SLC39A4: variants seen among roughly 807,000 people sequenced by gnomAD.
SLC39A4 encodes solute carrier family 39 member 4, also known as zinc transporter ZIP4.
A neutral mutation model predicts 56.6 loss-of-function variants in SLC39A4; 49 were observed. The ratio of observed to expected loss-of-function variants is 0.87; its 90% confidence interval spans 0.69 to 1.10. SLC39A4 has a LOEUF of 1.10. SLC39A4 is among the 50% of genes least tolerant of loss of function. The pLI is 0.00. For missense variants in SLC39A4, 993 were observed against 864.2 expected, an observed-to-expected ratio of 1.15 and a Z score of -1.87; for synonymous variants, 540 against 420.4, an observed-to-expected ratio of 1.28 and a Z score of -3.48.
chr8:144,414,520 G>T, intron 5 of SLC39A4, 86 bp from the exon 6 acceptor site: 1 of 1,538,238 alleles, frequency 6.5e-7, no homozygotes. Flanking sequence ...GCTGCAGGCC[G>T]TCAGTGTGGG....
rs782469813 is a variant in SLC39A4, at chr8:144,414,242, G to A, written c.1149+20C>T. ...TGGTGGGGAACGGAGGGCCAGGGTC[G>A]CGGGTTTGTGGGGGCAGACCTTGGG... is the stretch of plus-strand genomic sequence containing the variant. On this transcript the variant is annotated intron_variant, in intron 6 of 11. Coordinates refer to ENST00000301305, the MANE Select transcript of SLC39A4 (RefSeq NM_130849.4). The A allele has an allele frequency of 3.1e-6, 5 of 1,604,978 alleles. No individual in the cohort carries two copies. Among genetic ancestry groups the A allele is most frequent in the African/African-American group, 1.3e-5 (1 of 74,824 alleles).
In SLC39A4 at chr8:144,416,767, TCCAGC is replaced by T. The variant is rs1457522002; in HGVS notation, c.18_22del (p.Leu7AlafsTer70). The T allele has an allele frequency of 4.3e-6, 7 of 1,612,506 alleles. No homozygotes were observed. The highest frequency in any genetic ancestry group is 5.9e-6 in the Non-Finnish European group (7 of 1,179,876). Reference sequence around the variant, plus strand: ...CAGCACAGCCAGAAGCAGCCCCAGCTCCAGCGAGACCAGGGACGCCATACTCAGCT... The same window carrying T: ...CAGCACAGCCAGAAGCAGCCCCAGCTGAGACCAGGGACGCCATACTCAGCT... On this transcript the variant is annotated frameshift_variant, in exon 1 of 12. Coordinates refer to ENST00000301305, the MANE Select transcript of SLC39A4 (RefSeq NM_130849.4). LOFTEE classifies it high-confidence loss of function.
Position 144,413,567 on chromosome 8 carries a change from C to G in SLC39A4, c.1420G>C (p.Val474Leu). ...PPHEGSRADLVAEESPELLNP... is the reference protein window; with the variant it reads ...PPHEGSRADLLAEESPELLNP... ...AGCAGCTCCGGGCTCTCCTCCGCCA[C>G]CTGGGAGGAGCCTTGAGTAAGTCCC... Residue 474 changes from valine to leucine, a missense_variant and splice_region_variant, in exon 9 of 12, where the codon GTG becomes CTG. Coordinates refer to ENST00000301305, the MANE Select transcript of SLC39A4 (RefSeq NM_130849.4). 6.4e-7 allele frequency: 1 copy of G among 1,552,504 alleles called. No individual in the cohort carries two copies. Among genetic ancestry groups the G allele is most frequent in the Non-Finnish European group, 8.7e-7 (1 of 1,148,080 alleles).
At position 144,412,450 on chromosome 8, in the gene SLC39A4, G is replaced by A. The variant is rs1243861026; in HGVS notation, c.*88C>T. The A allele has an allele frequency of 1.2e-6, 2 of 1,603,224 alleles. No homozygotes were observed. Among genetic ancestry groups the A allele is most frequent in the Non-Finnish European group, 1.7e-6 (2 of 1,171,628 alleles). Reference sequence around the variant, plus strand: ...GAGTGTCTTTACTGGAGTTGGGACTGGGGCCTCTATAGGGGCTTCTGGTTT... The same window carrying A: ...GAGTGTCTTTACTGGAGTTGGGACTAGGGCCTCTATAGGGGCTTCTGGTTT... On this transcript the variant is annotated 3_prime_UTR_variant, in exon 12 of 12. Coordinates refer to ENST00000301305, the MANE Select transcript of SLC39A4 (RefSeq NM_130849.4).
In SLC39A4 at chr8:144,414,827, C is replaced by T. The variant is rs782734544; in HGVS notation, c.874G>A (p.Ala292Thr). Reference protein sequence around the residue: ...LSEQAGVTPEAWAQLSPALLQ... With the variant: ...LSEQAGVTPETWAQLSPALLQ... ...AGGGCAGGGCTCAGTTGGGCCCAGG[C>T]CTCCGGGGTCACCCCAGCCTGTTCC... Residue 292 changes from alanine to threonine, a missense_variant, in exon 5 of 12, where the codon GCC becomes ACC. Physicochemically the swap from Ala to Thr is moderately conservative, Grantham distance 58. Coordinates refer to ENST00000301305, the MANE Select transcript of SLC39A4 (RefSeq NM_130849.4). The T allele has an allele frequency of 1.2e-6, 2 of 1,613,182 alleles. No homozygotes were observed. The highest frequency in any genetic ancestry group is 1.7e-6 in the Non-Finnish European group (2 of 1,179,970).
chr8:144,415,368 G>C lies in SLC39A4; in HGVS notation c.526C>G (p.Pro176Ala), dbSNP rs138748417. The change falls in exon 3 of 12, where the codon CCG becomes GCG. Residue 176 changes from proline (P) to alanine (A), a missense_variant. Physicochemically the swap from Pro to Ala is conservative, Grantham distance 27 (BLOSUM62 -1). Transcript: ENST00000301305. ...LLEEAVGAGA[P>A]GSAGGVLAAL... ...GCCAGGACGCCGCCAGCACTGCCCGGAGCCCCCGCCCCCACCGCCTCCTCC... is the reference window on the plus strand; with the variant it reads ...GCCAGGACGCCGCCAGCACTGCCCGCAGCCCCCGCCCCCACCGCCTCCTCC... 34 of 1,609,830 alleles carry C rather than the reference G, an allele frequency of 2.1e-5. No homozygotes were observed. The highest frequency in any genetic ancestry group is 5.3e-5 in the African/African-American group (4 of 74,856).
intron 8 of SLC39A4, 25 bp downstream of exon 8, chr8:144,413,725 G>T (rs1822010838): frequency 6.5e-7 from 1 of 1,534,988 alleles, no homozygotes. Flanking sequence ...CTCCGCGTGG[G>T]ATGGGGCATC....
chr8:144,413,775 G>C lies in SLC39A4; in HGVS notation c.1394C>G (p.Pro465Arg), dbSNP rs782469375. The C allele has an allele frequency of 6.5e-7, 1 of 1,544,726 alleles. No individual in the cohort carries two copies. Among genetic ancestry groups the C allele is most frequent in the Non-Finnish European group, 8.7e-7 (1 of 1,150,740 alleles). ...APSELRQPKP[P>R]HEGSRADLVA... ...CAGGTCTGCGCGGGAGCCCTCGTGG[G>C]GGGGCTTGGGCTGCCGGAGCTCGCT... Residue 465 changes from proline (P) to arginine (R), a missense_variant, in exon 8 of 12, where the codon CCC (proline) becomes CGC (arginine). Transcript: ENST00000301305.
At chr8:144,414,555 T>A in intron 5 of SLC39A4, 121 bp from the exon 6 acceptor site, 1 of 1,500,226 alleles carries the variant, frequency 6.7e-7, no homozygotes, top group Non-Finnish European at 9.0e-7. Flanking sequence ...AGGCTGACCC[T>A]CCTGCCTCAA....
In SLC39A4 at chr8:144,412,521, G is replaced by A. The variant is rs1821919218; in HGVS notation, c.*17C>T. On this transcript the variant is annotated 3_prime_UTR_variant, in exon 12 of 12. Coordinates refer to ENST00000301305, the MANE Select transcript of SLC39A4 (RefSeq NM_130849.4). Reference sequence around the variant, plus strand: ...GTGTGGGATCTTAAGTCAAAGGTGGGGGACTAGGGCAGGGTATCAGAAGGT... The same window carrying A: ...GTGTGGGATCTTAAGTCAAAGGTGGAGGACTAGGGCAGGGTATCAGAAGGT... 1.2e-6 allele frequency: 2 copies of A among 1,614,010 alleles called. No individual in the cohort carries two copies. Among genetic ancestry groups the A allele is most frequent in the Admixed American group, 1.7e-5 (1 of 60,000 alleles).
At chr8:144,416,554 G>A (rs782386266) in intron 1 of SLC39A4, 44 bp downstream of exon 1, 17 of 1,543,228 alleles carry the variant, frequency 1.1e-5, no homozygotes, top group East Asian at 7.3e-5. Flanking sequence ...CGGAGCTGGC[G>A]GGAAGAGGCC....
At chr8:144,413,610 GA>G in intron 8 of SLC39A4, 43 bp from the exon 9 acceptor site, 1 of 1,548,418 alleles carries the variant, frequency 6.5e-7, no homozygotes, top group Non-Finnish European at 8.7e-7. Context: ...AGTGGAGGAG[GA>G]ACGCGGTGGG....
intron 2 of SLC39A4, 113 bp downstream of exon 2, chr8:144,415,697 T>G: frequency 7.1e-7 from 1 of 1,412,712 alleles, no homozygotes; most frequent in South Asian, 1.5e-5. Flanking sequence ...GGCCGACTCC[T>G]GGGCGTCTCC....
Position 144,415,340 on chromosome 8 carries a change from G to A in SLC39A4, c.554C>T (p.Ala185Val), listed in dbSNP as rs782249020. Residue 185 changes from alanine to valine, a missense_variant, in exon 3 of 12, where the codon GCC (alanine) becomes GTC (valine). Ala to Val is a moderately conservative substitution (Grantham distance 64). Transcript: ENST00000301305. ...CCCGCTCCTGACATGGTCCAGCAGG[G>A]CAGCCAGGACGCCGCCAGCACTGCC... is the stretch of plus-strand genomic sequence containing the variant. Reference protein sequence around the residue: ...APGSAGGVLAALLDHVRSGSC... With the variant: ...APGSAGGVLAVLLDHVRSGSC... 1.2e-6 allele frequency: 2 copies of A among 1,612,084 alleles called. No homozygotes were observed. Among genetic ancestry groups the A allele is most frequent in the Non-Finnish European group, 1.7e-6 (2 of 1,179,586 alleles).
chr8:144,413,312 C>T lies in SLC39A4; in HGVS notation c.1552G>A (p.Ala518Thr), dbSNP rs1482676989. The change falls in exon 10 of 12, where the codon GCC (alanine) becomes ACC (threonine). Residue 518 changes from alanine (A) to threonine (T), a missense_variant. Coordinates refer to ENST00000301305, the MANE Select transcript of SLC39A4 (RefSeq NM_130849.4). ...NFADGLAVGA[A>T]FASSWKTGLA... is the part of the protein sequence containing the mutation. ...CCGGTCTTCCAGGAGGACGCGAAGGCGGCGCCCACGGCCAGCCCGTCGGCG... is the reference window on the plus strand; with the variant it reads ...CCGGTCTTCCAGGAGGACGCGAAGGTGGCGCCCACGGCCAGCCCGTCGGCG... 1.9e-6 allele frequency: 3 copies of T among 1,603,550 alleles called. No homozygotes were observed. The highest frequency in any genetic ancestry group is 2.5e-6 in the Non-Finnish European group (3 of 1,178,574).
At chr8:144,416,153 G>A (rs1822186506) in intron 1 of SLC39A4, 62 bp from the exon 2 acceptor site, 1 of 1,596,098 alleles carries the variant, frequency 6.3e-7, no homozygotes, top group Non-Finnish European at 8.5e-7. Flanking sequence ...AGGCAGGCCT[G>A]GCCAGGGGCT....
chr8:144,413,359 A>G lies in SLC39A4; in HGVS notation c.1505T>C (p.Leu502Pro). The G allele has an allele frequency of 6.2e-7, 1 of 1,608,212 alleles. No individual in the cohort carries two copies. The highest frequency in any genetic ancestry group is 8.5e-7 in the Non-Finnish European group (1 of 1,179,494). ...GGCGAAGTTGTGCACGGCGTCGCCC[A>G]GAGTGATCATATAGGGCAGTAGCCT... Reference protein sequence around the residue: ...ELRLLPYMITLGDAVHNFADG... With the variant: ...ELRLLPYMITPGDAVHNFADG... Residue 502 changes from leucine to proline, a missense_variant, in exon 10 of 12, where the codon CTG becomes CCG. Transcript: ENST00000301305.
Position 144,414,437 on chromosome 8 carries a change from G to A in SLC39A4, c.977-3C>T, listed in dbSNP as rs1554873098. 1 of 1,553,650 alleles carries A rather than the reference G, an allele frequency of 6.4e-7. No individual in the cohort carries two copies. Among genetic ancestry groups the A allele is most frequent in the East Asian group, 2.4e-5 (1 of 41,556 alleles). On this transcript the variant is annotated splice_region_variant and splice_polypyrimidine_tract_variant and intron_variant, in intron 5 of 11. Transcript: ENST00000301305. ...GGCCAGGGAGCCGTACAGATACCCT[G>A]GGGGCGGGTGAGGCGGCTGTGAGAG... is the stretch of plus-strand genomic sequence containing the variant.
rs1822094873 is a variant in SLC39A4, at chr8:144,414,792, C to CT, written c.908dup (p.Gln304AlafsTer114). ...GGGAGGTGCAGGCTCCACTCAGCTG[C>CT]TGTTGGAGCAGGGCAGGGCTCAGTT... On this transcript the variant is annotated frameshift_variant, in exon 5 of 12. Transcript: ENST00000301305. LOFTEE classifies it high-confidence loss of function. The CT allele has an allele frequency of 2.5e-6, 4 of 1,613,176 alleles. No individual in the cohort carries two copies. In the East Asian group the frequency reaches 8.9e-5, roughly 36 times the overall value.
Sources: allele counts gnomAD v4.1 joint callset, GRCh38; gene constraint gnomAD v4.1.1; transcripts MANE v1.5; gene names NCBI Gene and HGNC (gene_info 2026-07-23, HGNC 2026-07-21).